KCNK12: variants seen among roughly 807,000 people sequenced by gnomAD.
KCNK12 encodes the protein potassium two pore domain channel subfamily K member 12, also known as potassium channel subfamily K member 12.
KCNK12 carries 6 observed loss-of-function variants against 25.3 expected under a neutral mutation model. The ratio of observed to expected loss-of-function variants is 0.24; its 90% CI spans 0.13 to 0.47. The LOEUF (loss-of-function observed/expected upper bound fraction) is 0.47. Ranked by LOEUF, KCNK12 falls within the 20% of genes least tolerant of loss-of-function variation. The pLI is 0.99. For missense variants in KCNK12, 444 were observed against 661.7 expected, an observed-to-expected ratio of 0.67 and a Z score of 3.61; for synonymous variants, 331 against 311.1, an observed-to-expected ratio of 1.06 and a Z score of -0.67.
intron 1 of KCNK12, among the ~76,000 whole-genome samples, chr2:47,524,903 A>G (rs1668736581): frequency 6.6e-6 from 1 of 152,138 alleles, no homozygotes. Context: ...CCTGGCTTCA[A>G]GCCTGGTGCA....
chr2:47,563,574 G>C (rs1003418438), intron 1 of KCNK12: 2 of 232,956 alleles, frequency 8.6e-6, no homozygotes, highest in South Asian at 1.8e-4. Flanking sequence ...AAATTCACCC[G>C]CTTTGGGCTG....
chr2:47,558,564 G>A (rs1669596840), intron 1 of KCNK12, among the ~76,000 whole-genome samples: 1 of 152,080 alleles, frequency 6.6e-6, no homozygotes, highest in Non-Finnish European at 1.5e-5. Context: ...TTTCCCCCTC[G>A]CACCTGGGCT....
At chr2:47,563,561 G>A (rs1669728034) in intron 1 of KCNK12, 1 of 232,950 alleles carries the variant, frequency 4.3e-6, no homozygotes, top group Non-Finnish European at 8.5e-6. Context: ...GAGGAACAAG[G>A]GTAAATTCAC....
chr2:47,546,296 T>C (rs967094974), intron 1 of KCNK12, among the ~76,000 whole-genome samples: 5 of 152,272 alleles, frequency 3.3e-5, no homozygotes, highest in Admixed American at 6.5e-5. Context: ...CTGATGAAGA[T>C]GCACTTAAAA....
Position 47,512,156 on chromosome 2 carries a change from C to A in KCNK12, c.*8751G>T. On this transcript the variant is annotated 3_prime_UTR_variant, in exon 2 of 2. Transcript: ENST00000327876. ...TCCATCCTGCATCCAGATGGCTGGT[C>A]CTGCTCCTCCCAGTCCATGGAGAAA... The A allele has an allele frequency of 1.0e-6, 1 of 966,788 alleles. No homozygotes were observed. The highest frequency in any genetic ancestry group is 1.5e-6 in the Non-Finnish European group (1 of 670,782). The allele number at this position is 966,788 out of a possible 1,614,324, so 59.9% of individuals were successfully genotyped here.
chr2:47,568,165 A>G (rs1245787396), intron 1 of KCNK12, among the ~76,000 whole-genome samples: 1 of 152,110 alleles, frequency 6.6e-6, no homozygotes, highest in Non-Finnish European at 1.5e-5. Context: ...TGCTATGACC[A>G]CCCAATATGT....
intron 1 of KCNK12, chr2:47,564,200 G>A (rs1344310603): frequency 4.3e-6 from 1 of 231,108 alleles, no homozygotes; most frequent in Non-Finnish European, 8.6e-6. Flanking sequence ...GAGCAATTAG[G>A]TGGATAACTG....
chr2:47,515,746 G>T lies in KCNK12; in HGVS notation c.*5161C>A, dbSNP rs1239637749. ...GAAGGAAAAGAAGGAGGGGGATGTG[G>T]AGGGGAGAGAAGGCCTCAGTAGAGT... On this transcript the variant is annotated 3_prime_UTR_variant, in exon 2 of 2. Transcript: ENST00000327876. 2.0e-5 allele frequency among the ~76,000 whole-genome samples: 3 copies of T among 152,142 alleles called. No individual in the cohort carries two copies. Among genetic ancestry groups the T allele is most frequent in the African/African-American group, 4.8e-5 (2 of 41,430 alleles).
intron 1 of KCNK12, among the ~76,000 whole-genome samples, chr2:47,552,013 G>A (rs1347802085): frequency 4.6e-5 from 7 of 152,186 alleles, no homozygotes; most frequent in African/African-American, 1.7e-4. Flanking sequence ...ACGACCGGTG[G>A]TGGGGAGGTG....
At chr2:47,545,406 T>C (rs1285368749) in intron 1 of KCNK12, among the ~76,000 whole-genome samples, 1 of 152,212 alleles carries the variant, frequency 6.6e-6, no homozygotes, top group Non-Finnish European at 1.5e-5. Flanking sequence ...AAATGCAAAG[T>C]AGCTTCCCCT....
In KCNK12 at chr2:47,524,056, C is replaced by T. The variant is rs192237027; in HGVS notation, c.392-2248G>A. On this transcript the variant is annotated intron_variant, in intron 1 of 1. Coordinates refer to ENST00000327876, the MANE Select transcript of KCNK12 (RefSeq NM_022055.2). Reference sequence around the variant, plus strand: ...TTGCCCGAGTGTGGTGTTGATCTTACGCTTAATGACTCAGGTGAGGGGAAA... The same window carrying T: ...TTGCCCGAGTGTGGTGTTGATCTTATGCTTAATGACTCAGGTGAGGGGAAA... Among the ~76,000 whole-genome samples the T allele has an allele frequency of 2.4e-4, 37 of 152,188 alleles. 1 individual carries two copies. The highest frequency in any genetic ancestry group is 6.7e-4 in the African/African-American group (28 of 41,508).
At position 47,535,328 on chromosome 2, in the gene KCNK12, AC is replaced by A. The variant is rs201227339; in HGVS notation, c.392-13521del. 1,520 of 233,114 alleles carry A rather than the reference AC, an allele frequency of 6.5e-3. 26 individuals carry two copies. Among genetic ancestry groups the A allele is most frequent in the African/African-American group, 0.029 (1,330 of 45,428 alleles). The allele number at this position is 233,114 out of a possible 1,614,324, so 14.4% of individuals were successfully genotyped here. A position where few individuals can be genotyped will look rare whatever the true frequency, so the allele number is the denominator to read the frequency against. On this transcript the variant is annotated intron_variant, in intron 1 of 1. Transcript: ENST00000327876. ...GGCTGGTAAAGGGGCTGCCCACAGC[AC>A]CTCAGCACATGGGTCTCTCTCTCTT...
intron 1 of KCNK12, among the ~76,000 whole-genome samples, chr2:47,545,518 T>C (rs1669294465): frequency 1.3e-5 from 2 of 152,250 alleles, no homozygotes; most frequent in Non-Finnish European, 2.9e-5. Flanking sequence ...GTAGCTCATA[T>C]GTCTCTCAAT....
Position 47,517,782 on chromosome 2 carries a change from A to G in KCNK12, c.*3125T>C, listed in dbSNP as rs1259898133. ...CTAGGACACCCAGGGTGGCTTCTTT[A>G]CCTTTCTCCTCAGCTCTGAGAAGGC... On this transcript the variant is annotated 3_prime_UTR_variant, in exon 2 of 2. Transcript: ENST00000327876. This position sits in a 1 kb window ranked among gnomAD's most constrained non-coding sequence, Gnocchi z 4.1. 3 of 151,988 alleles carry G rather than the reference A, an allele frequency of 2.0e-5. No homozygotes were observed. The highest frequency in any genetic ancestry group is 7.3e-5 in the African/African-American group (3 of 41,362). 9.4% of individuals were successfully genotyped at this position (151,988 alleles called of 1,614,324 possible).
Position 47,514,549 on chromosome 2 carries a change from C to T in KCNK12, c.*6358G>A, listed in dbSNP as rs1052280048. On this transcript the variant is annotated 3_prime_UTR_variant, in exon 2 of 2. Coordinates refer to ENST00000327876, the MANE Select transcript of KCNK12 (RefSeq NM_022055.2). This position sits in a 1 kb window ranked among gnomAD's most constrained non-coding sequence, Gnocchi z 5.0. ...TTAAATAAGATAAATATGCAAGTCT[C>T]TTATCTGGGGGTCTGGCTTGGTAAA... Among the ~76,000 whole-genome samples the T allele has an allele frequency of 6.6e-6, 1 of 151,982 alleles. No homozygotes were observed. The highest frequency in any genetic ancestry group is 1.5e-5 in the Non-Finnish European group (1 of 67,984).
At chr2:47,546,820 C>T (rs1050659296) in intron 1 of KCNK12, among the ~76,000 whole-genome samples, 1 of 151,820 alleles carries the variant, frequency 6.6e-6, no homozygotes, top group Non-Finnish European at 1.5e-5. Flanking sequence ...TGGAAGGGCC[C>T]GAGAAGTTTC....
chr2:47,534,134 G>A (rs1161634427), intron 1 of KCNK12, among the ~76,000 whole-genome samples: 1 of 152,042 alleles, frequency 6.6e-6, no homozygotes, highest in East Asian at 1.9e-4. Flanking sequence ...TAACATTAGA[G>A]AGGTTTTGGT....
intron 1 of KCNK12, among the ~76,000 whole-genome samples, chr2:47,537,799 C>T (rs189845071): frequency 2.6e-5 from 4 of 152,284 alleles, no homozygotes; most frequent in Non-Finnish European, 4.4e-5. Context: ...TACATAATGA[C>T]CACAATGCCC....
At chr2:47,521,876 G>C in intron 1 of KCNK12, 68 bp from the exon 2 acceptor site, 1 of 1,299,198 alleles carries the variant, frequency 7.7e-7, no homozygotes, top group Non-Finnish European at 1.0e-6. Flanking sequence ...CGAGGGTGGG[G>C]GGTGTGGGGG....
Sources: allele counts gnomAD v4.1 joint callset (sites outside exome capture counted in the v4.1 genomes callset), GRCh38; gene constraint gnomAD v4.1.1; non-coding constraint Gnocchi (gnomAD v3.1); transcripts MANE v1.5; gene names NCBI Gene and HGNC (gene_info 2026-07-23, HGNC 2026-07-21).